The following MPHOSPH8 variants were observed in gnomAD, a reference collection of about 807,000 sequenced individuals.
The protein encoded by MPHOSPH8 is M-phase phosphoprotein, mpp.
In MPHOSPH8, 45 loss-of-function variants were observed where a neutral mutation model predicts 87.3. The ratio of observed to expected loss-of-function variants is 0.52; its 90% CI spans 0.41 to 0.66. MPHOSPH8 has a LOEUF of 0.66. Among genes scored for constraint, MPHOSPH8 ranks in the 30% least tolerant of loss-of-function variants. MPHOSPH8 has a pLI of 0.00. For missense variants in MPHOSPH8, 883 were observed against 1,020.2 expected, an observed-to-expected ratio of 0.87 and a Z score of 1.83; for synonymous variants, 366 against 376.9, an observed-to-expected ratio of 0.97 and a Z score of 0.33.
At position 19,646,950 on chromosome 13, in the gene MPHOSPH8, A is replaced by C. The variant is rs1326040829; in HGVS notation, c.877A>C (p.Thr293Pro). The change falls in exon 3 of 14, where the codon ACT (threonine) becomes CCT (proline). Residue 293 changes from threonine to proline, a missense_variant. Transcript: ENST00000361479. ...CGACAGCAGAGAAGAGAAACAAAAC[A>C]CTAAAAGTGCAAGAGAGAGAGCAGG... is the stretch of plus-strand genomic sequence containing the variant. ...HSDSREEKQN[T>P]KSARERAGQD... 4 of 1,592,910 alleles carry C rather than the reference A, an allele frequency of 2.5e-6. No individual in the cohort carries two copies. Among genetic ancestry groups the C allele is most frequent in the Non-Finnish European group, 3.4e-6 (4 of 1,174,916 alleles).
intron 5 of MPHOSPH8, among the ~76,000 whole-genome samples, chr13:19,655,585 T>C (rs115434048): frequency 0.026 from 4,019 of 152,220 alleles, 172 homozygotes; most frequent in African/African-American, 0.085. Flanking sequence ...GGTTTCACCA[T>C]GTTTCCCAGG....
chr13:19,669,513 C>CTT (rs56315114), intron 11 of MPHOSPH8, among the ~76,000 whole-genome samples: 5,879 of 133,458 alleles, frequency 0.044, 239 homozygotes, highest in Non-Finnish European at 0.066. Flanking sequence ...CATCCACCAA[C>CTT]TTTTTTTTTT....
At chr13:19,649,347 A>C (rs913566446) in intron 4 of MPHOSPH8, among the ~76,000 whole-genome samples, 3 of 152,102 alleles carry the variant, frequency 2.0e-5, no homozygotes, top group Non-Finnish European at 4.4e-5. Flanking sequence ...CTTAAATGGA[A>C]CTACTGTTTG....
intron 5 of MPHOSPH8, among the ~76,000 whole-genome samples, chr13:19,654,350 A>G (rs1466643594): frequency 6.6e-6 from 1 of 152,140 alleles, no homozygotes; most frequent in Non-Finnish European, 1.5e-5. Flanking sequence ...TCCGGGAGGG[A>G]TAGCATTAGG....
At position 19,648,477 on chromosome 13, in the gene MPHOSPH8, C is replaced by G. The variant is rs1372566210; in HGVS notation, c.1274C>G (p.Ser425Cys). ...SKEKYQKRHDSDKEEKGRKEP... is the reference protein window; with the variant it reads ...SKEKYQKRHDCDKEEKGRKEP... ...GAAAAATATCAGAAAAGGCATGATT[C>G]TGACAAGGAAGAAAAAGGCAGAAAA... is the stretch of plus-strand genomic sequence containing the variant. Residue 425 changes from serine to cysteine, a missense_variant, in exon 4 of 14, where the codon TCT (serine) becomes TGT (cysteine). Ser to Cys is a moderately radical substitution (Grantham distance 112). Transcript: ENST00000361479. 1.9e-6 allele frequency: 3 copies of G among 1,583,612 alleles called. No homozygotes were observed. The highest frequency in any genetic ancestry group is 2.6e-6 in the Non-Finnish European group (3 of 1,166,238).
intron 11 of MPHOSPH8, among the ~76,000 whole-genome samples, chr13:19,669,812 T>C (rs546408917): frequency 2.6e-5 from 4 of 152,106 alleles, no homozygotes; most frequent in Non-Finnish European, 2.9e-5. Context: ...GCCTGGCCAA[T>C]TTTTGGTTAT....
intron 10 of MPHOSPH8, 28 bp downstream of exon 10, chr13:19,666,607 TAA>T (rs1455556124): frequency 1.3e-6 from 2 of 1,552,548 alleles, no homozygotes; most frequent in African/African-American, 2.7e-5. Flanking sequence ...GTGCCATAGT[TAA>T]GTCACATATC....
At chr13:19,671,345 C>G in intron 13 of MPHOSPH8, 56 bp downstream of exon 13, 1 of 1,498,454 alleles carries the variant, frequency 6.7e-7, no homozygotes, top group South Asian at 1.1e-5. Context: ...CTCCAGATTA[C>G]TTTATCAACA....
intron 1 of MPHOSPH8, 39 bp downstream of exon 1, chr13:19,634,000 C>T (rs1440888699): frequency 1.3e-6 from 2 of 1,580,466 alleles, no homozygotes; most frequent in Non-Finnish European, 1.7e-6. Flanking sequence ...GGGCGGGGAG[C>T]TCCGGGCCTG....
In MPHOSPH8 at chr13:19,668,378, C is replaced by T; in HGVS notation, c.2176C>T (p.Leu726Phe). The T allele has an allele frequency of 6.2e-7, 1 of 1,609,102 alleles. No individual in the cohort carries two copies. Residue 726 changes from leucine to phenylalanine, a missense_variant and splice_region_variant, in exon 11 of 14, where the codon CTT (leucine) becomes TTT (phenylalanine). Physicochemically the swap from Leu to Phe is conservative, Grantham distance 22 (BLOSUM62 0). This residue lies in a region of MPHOSPH8 where 741 missense variants were observed against 841.5 expected (regional missense o/e 0.88). Coordinates refer to ENST00000361479, the MANE Select transcript of MPHOSPH8 (RefSeq NM_017520.4). ...YDLLKNHLET[L>F]SRVAEETIKD... ...ACACGTACTATTTTTTTTTCTTAGA[C>T]TTTCAAGAGTAGCAGAAGAGACAAT... is the stretch of plus-strand genomic sequence containing the variant.
At chr13:19,650,346 C>T (rs1021083129) in intron 5 of MPHOSPH8, 86 bp downstream of exon 5, 82 of 1,411,540 alleles carry the variant, frequency 5.8e-5, no homozygotes, top group East Asian at 1.6e-4. Context: ...CTGATCTCAA[C>T]GATCAAAAAA....
chr13:19,647,223 CA>C lies in MPHOSPH8; in HGVS notation c.1153del (p.Thr385ArgfsTer7), dbSNP rs1289368433. The C allele has an allele frequency of 6.2e-7, 1 of 1,613,988 alleles. No homozygotes were observed. The highest frequency in any genetic ancestry group is 1.1e-5 in the South Asian group (1 of 91,060). ...AGAGAAGCTGATGCCTGTATCTGCC[CA>C]AACGCCAAAGGGCCGGAGGTTGAGC... ...ELEKLMPVSA[Q>X]TPKGRRLSGE... On this transcript the variant is annotated frameshift_variant, in exon 3 of 14. Transcript: ENST00000361479. LOFTEE classifies it high-confidence loss of function.
At chr13:19,654,571 G>A (rs905122756) in intron 5 of MPHOSPH8, among the ~76,000 whole-genome samples, 4 of 152,130 alleles carry the variant, frequency 2.6e-5, no homozygotes, top group Admixed American at 6.5e-5. Flanking sequence ...TATAAAAGTC[G>A]CTCTAAAAAT....
intron 10 of MPHOSPH8, among the ~76,000 whole-genome samples, chr13:19,668,062 G>A (rs1183081918): frequency 6.6e-6 from 1 of 152,182 alleles, no homozygotes; most frequent in African/African-American, 2.4e-5. Context: ...TCCCCTTTCT[G>A]ATTTTCCACT....
chr13:19,667,012 A>C (rs1875855357), intron 10 of MPHOSPH8, among the ~76,000 whole-genome samples: 1 of 152,002 alleles, frequency 6.6e-6, no homozygotes, highest in Non-Finnish European at 1.5e-5. Flanking sequence ...AAATACAAAA[A>C]TTAGCCGGGC....
At chr13:19,663,175 C>G (rs996123497) in intron 9 of MPHOSPH8, 49 bp downstream of exon 9, 2 of 1,492,452 alleles carry the variant, frequency 1.3e-6, no homozygotes, top group African/African-American at 2.8e-5. Flanking sequence ...TTGGCAGGTG[C>G]TCGTGTTGGC....
chr13:19,647,735 ATTATTT>A (rs1385217937), intron 3 of MPHOSPH8, among the ~76,000 whole-genome samples: 1 of 152,186 alleles, frequency 6.6e-6, no homozygotes, highest in Non-Finnish European at 1.5e-5. Context: ...CATTATAAAA[ATTATTT>A]TTATATGGCT....
intron 7 of MPHOSPH8, among the ~76,000 whole-genome samples, chr13:19,660,534 A>G (rs1170457664): frequency 2.0e-5 from 3 of 152,214 alleles, no homozygotes; most frequent in Non-Finnish European, 4.4e-5. Flanking sequence ...ATTGCATGAA[A>G]TAATATAGAT....
At chr13:19,663,840 A>G (rs1875679132) in intron 9 of MPHOSPH8, among the ~76,000 whole-genome samples, 1 of 152,068 alleles carries the variant, frequency 6.6e-6, no homozygotes, top group South Asian at 2.1e-4. Context: ...CATTGAGCCA[A>G]GCGGGGGCCT....
Sources: allele counts gnomAD v4.1 joint callset (sites outside exome capture counted in the v4.1 genomes callset), GRCh38; gene constraint gnomAD v4.1.1; regional missense constraint gnomAD v4.1.1; transcripts MANE v1.5; gene names NCBI Gene and HGNC (gene_info 2026-07-23, HGNC 2026-07-21).